PCID2: variants seen among roughly 807,000 people sequenced by gnomAD.
PCID2 encodes the protein PCI domain-containing protein 2.
Under a neutral mutation model 61.3 loss-of-function variants are expected in PCID2, and 41 were observed. The ratio of observed to expected loss-of-function variants is 0.67; its 90% confidence interval spans 0.52 to 0.87. The LOEUF (loss-of-function observed/expected upper bound fraction) is 0.87. Ranked by LOEUF, PCID2 falls within the 40% of genes least tolerant of loss-of-function variation. The pLI is 0.00. For synonymous variants in PCID2, 187 were observed against 177.8 expected (o/e 1.05, Z -0.41); for missense variants, 392 against 493.4 (o/e 0.79, Z 1.95).
the PCID2 span, among the ~76,000 whole-genome samples, chr13:113,165,471 A>G: frequency 0.012 from 1,805 of 152,268 alleles, 43 homozygotes; most frequent in African/African-American, 0.04. Flanking sequence ...CTAGTTTGGC[A>G]TTCATTTTTG....
chr13:113,196,844 T>C (rs1189571191), intron 4 of PCID2, among the ~76,000 whole-genome samples: 1 of 152,240 alleles, frequency 6.6e-6, no homozygotes, highest in Admixed American at 6.5e-5. Flanking sequence ...GCCTGAATTC[T>C]GGATTTCTGG....
rs2037444610 is a variant in PCID2, at chr13:113,179,694, T to C, written c.986+223A>G. Among the ~76,000 whole-genome samples, 1 of 152,178 alleles carries C rather than the reference T, an allele frequency of 6.6e-6. No individual in the cohort carries two copies. The highest frequency in any genetic ancestry group is 1.9e-4 in the East Asian group (1 of 5,196). Reference sequence around the variant, plus strand: ...AGTTGTCTTCTCACATAGAACCTGCTTACCTCCCCCACAAGTCCAGGCACA... The same window carrying C: ...AGTTGTCTTCTCACATAGAACCTGCCTACCTCCCCCACAAGTCCAGGCACA... On this transcript the variant is annotated intron_variant, in intron 12 of 13. Coordinates refer to ENST00000337344, the MANE Select transcript of PCID2 (RefSeq NM_001127202.4). This position sits in a 1 kb window ranked among gnomAD's most constrained non-coding sequence, Gnocchi z 4.3.
chr13:113,180,190 C>T lies in PCID2; in HGVS notation c.828G>A (p.Leu276=). The T allele has an allele frequency of 1.2e-6, 2 of 1,614,040 alleles. No homozygotes were observed. Among genetic ancestry groups the T allele is most frequent in the Non-Finnish European group, 1.7e-6 (2 of 1,179,924 alleles). Residue 276 remains leucine, a synonymous_variant, in exon 11 of 14, where the codon CTG becomes CTA. Coordinates refer to ENST00000337344, the MANE Select transcript of PCID2 (RefSeq NM_001127202.4). The part of the protein sequence containing the change: ...PTVELLKKYH[L]MQFAEVTRAV... ...CTCTGGTTACTTCCGCAAACTGCAT[C>T]AGGTGATACTTTTTCAGGAGCTCCA...
chr13:113,199,043 A>C (rs1274291784), intron 2 of PCID2, among the ~76,000 whole-genome samples: 1 of 152,204 alleles, frequency 6.6e-6, no homozygotes, highest in Admixed American at 6.5e-5. Context: ...TCCTCCTAAC[A>C]GTCAAATTTT....
chr13:113,175,542 A>G (rs2037171887), downstream of PCID2, among the ~76,000 whole-genome samples: 1 of 152,226 alleles, frequency 6.6e-6, no homozygotes, highest in Non-Finnish European at 1.5e-5. Context: ...CAACACTGCA[A>G]GAGAACGGGG....
At chr13:113,190,247 AC>A (rs1387471671) in intron 7 of PCID2, among the ~76,000 whole-genome samples, 5 of 151,166 alleles carry the variant, frequency 3.3e-5, no homozygotes, top group African/African-American at 9.7e-5. Context: ...AAAAAAAAAA[AC>A]CAACTATGCA....
chr13:113,170,935 T>C, the PCID2 span, among the ~76,000 whole-genome samples: 3 of 152,100 alleles, frequency 2.0e-5, no homozygotes, highest in East Asian at 5.8e-4. Flanking sequence ...TTTCTTTTTT[T>C]TTTTTGAGAC....
At chr13:113,202,834 A>G (rs1490965092) in intron 1 of PCID2, among the ~76,000 whole-genome samples, 2 of 152,226 alleles carry the variant, frequency 1.3e-5, no homozygotes, top group Non-Finnish European at 1.5e-5. Flanking sequence ...ACCTTTAAAT[A>G]TAAGTTACTT....
chr13:113,185,805 A>G (rs2038058509), intron 7 of PCID2: 2 of 390,994 alleles, frequency 5.1e-6, no homozygotes, highest in Non-Finnish European at 9.1e-6. Flanking sequence ...TAACTACTTG[A>G]GTAACATCCT....
the PCID2 span, among the ~76,000 whole-genome samples, chr13:113,171,182 C>T: frequency 6.6e-6 from 1 of 152,296 alleles, no homozygotes; most frequent in East Asian, 1.9e-4. The surrounding 1 kb of genome is among the most constrained non-coding windows in gnomAD (Gnocchi z 5.1). Context: ...CTCGGCCTCC[C>T]GAAGCGCTGG....
At chr13:113,182,481 T>C (rs1327398193) in intron 9 of PCID2, among the ~76,000 whole-genome samples, 1 of 152,164 alleles carries the variant, frequency 6.6e-6, no homozygotes, top group Admixed American at 6.5e-5. Context: ...CAAATTCTCC[T>C]GGATGTACAA....
chr13:113,198,421 C>T (rs1040302656), intron 2 of PCID2, among the ~76,000 whole-genome samples, 157 bp from the exon 3 acceptor site: 5 of 152,134 alleles, frequency 3.3e-5, no homozygotes, highest in Admixed American at 2.6e-4. Flanking sequence ...AGGTTCAGGC[C>T]GTGAGCACAG....
At chr13:113,195,329 A>G (rs905170805) in intron 5 of PCID2, among the ~76,000 whole-genome samples, 1 of 152,156 alleles carries the variant, frequency 6.6e-6, no homozygotes, top group Admixed American at 6.5e-5. Context: ...GGGCCCCACA[A>G]TGCGGTGCTC....
chr13:113,166,578 C>T, the PCID2 span, among the ~76,000 whole-genome samples: 1 of 152,206 alleles, frequency 6.6e-6, no homozygotes, highest in African/African-American at 2.4e-5. Context: ...CACCCAGCTC[C>T]AAGGTGGAGA....
At chr13:113,165,134 C>T in the PCID2 span, 1 of 1,607,012 alleles carries the variant, frequency 6.2e-7, no homozygotes, top group Non-Finnish European at 8.5e-7. Context: ...ACAGAGCGCT[C>T]TCCGCGTGCT....
intron 7 of PCID2, among the ~76,000 whole-genome samples, chr13:113,189,078 T>C (rs1484429051): frequency 6.6e-6 from 1 of 152,046 alleles, no homozygotes; most frequent in Non-Finnish European, 1.5e-5. Flanking sequence ...GTCCTTGCCA[T>C]AATGAATGAG....
downstream of PCID2, among the ~76,000 whole-genome samples, chr13:113,176,508 C>CT (rs2037189065): frequency 9.1e-5 from 1 of 10,946 alleles, no homozygotes; most frequent in African/African-American, 2.0e-4. Flanking sequence ...ATGCCTGTCA[C>CT]CCCAGCACTT....
chr13:113,181,863 C>T (rs539722234), intron 9 of PCID2, among the ~76,000 whole-genome samples: 13 of 152,292 alleles, frequency 8.5e-5, no homozygotes, highest in African/African-American at 2.6e-4. Context: ...ACAAACTGCA[C>T]GACAGGCCTG....
In PCID2 at chr13:113,203,678, C is replaced by G. The variant is rs555008306; in HGVS notation, c.37-3162G>C. Among the ~76,000 whole-genome samples the G allele has an allele frequency of 3.1e-3, 477 of 152,316 alleles. 1 individual carries two copies. Among genetic ancestry groups the G allele is most frequent in the Non-Finnish European group, 5.3e-3 (363 of 68,022 alleles). On this transcript the variant is annotated intron_variant, in intron 1 of 13. Coordinates refer to ENST00000337344, the MANE Select transcript of PCID2 (RefSeq NM_001127202.4). ...CACGCCCTGCAAGAACTCACTGGTG[C>G]CCAGCTCCAAAGGGGCCTCCTCTGG...
Sources: gnomAD v4.1 joint callset for allele counts (sites outside exome capture counted in the v4.1 genomes callset) on GRCh38, gnomAD v4.1.1 for gene constraint, Gnocchi (gnomAD v3.1) non-coding constraint, MANE v1.5 for transcripts, NCBI Gene and HGNC (gene_info 2026-07-23, HGNC 2026-07-21) for gene names.